The following GRM5 variants were observed in gnomAD, a reference collection of about 807,000 sequenced individuals.
The protein encoded by GRM5 is metabotropic glutamate receptor 5.
A neutral mutation model predicts 83.1 loss-of-function variants in GRM5; 19 were observed. That is an observed-to-expected ratio of 0.23 (90% CI 0.16 to 0.34). The LOEUF (loss-of-function observed/expected upper bound fraction) is 0.34, where lower values mean the gene tolerates loss of function less well. Among genes scored for constraint, GRM5 ranks in the 10% least tolerant of loss-of-function variants. The pLI is 1.00. For synonymous variants in GRM5, 675 were observed against 633.6 expected (o/e 1.07, Z -0.98); for missense variants, 1,160 against 1,588.3 (o/e 0.73, Z 4.58).
intron 3 of GRM5, among the ~76,000 whole-genome samples, chr11:88,789,269 T>C (rs950830230): frequency 2.6e-5 from 4 of 151,996 alleles, no homozygotes; most frequent in African/African-American, 9.7e-5. Context: ...TAGAGGATAA[T>C]ACCTTTAACA....
chr11:88,850,441 T>C (rs1944370693), intron 2 of GRM5, among the ~76,000 whole-genome samples: 1 of 152,162 alleles, frequency 6.6e-6, no homozygotes, highest in South Asian at 2.1e-4. Flanking sequence ...AAATAGCTCT[T>C]ATTCTAAATA....
chr11:88,519,588 A>G (rs555415059), intron 9 of GRM5, among the ~76,000 whole-genome samples: 2 of 152,288 alleles, frequency 1.3e-5, no homozygotes, highest in African/African-American at 4.8e-5. Context: ...TAAGTACTCA[A>G]TAAATGTTGG....
intron 2 of GRM5, among the ~76,000 whole-genome samples, chr11:88,949,417 A>G (rs947915427): frequency 1.3e-5 from 2 of 152,210 alleles, no homozygotes; most frequent in African/African-American, 4.8e-5. Context: ...TTCCCATTAC[A>G]TACCCATTGT....
chr11:88,831,792 C>G (rs1336749015), intron 3 of GRM5, among the ~76,000 whole-genome samples: 1 of 152,186 alleles, frequency 6.6e-6, no homozygotes, highest in East Asian at 1.9e-4. Context: ...CACTGCTACT[C>G]CCATCACCAA....
chr11:88,803,361 G>C (rs1208901920), intron 3 of GRM5, among the ~76,000 whole-genome samples: 2 of 152,044 alleles, frequency 1.3e-5, no homozygotes, highest in Non-Finnish European at 2.9e-5. Context: ...GAACAGAACA[G>C]AGCCCTCAGA....
At chr11:88,523,435 T>C (rs1024117) in intron 9 of GRM5, among the ~76,000 whole-genome samples, 75,550 of 151,908 alleles carry the variant, frequency 0.5, 19,071 homozygotes, top group East Asian at 0.67. Flanking sequence ...TGCCTAATTT[T>C]CAAGGATATG....
intron 2 of GRM5, among the ~76,000 whole-genome samples, chr11:88,975,903 C>T (rs1243483672): frequency 6.6e-6 from 1 of 152,114 alleles, no homozygotes; most frequent in Non-Finnish European, 1.5e-5. Context: ...ATAATAGTGT[C>T]CTCCCTTGGT....
At chr11:88,632,097 A>G (rs1591395800) in intron 4 of GRM5, among the ~76,000 whole-genome samples, 1 of 152,174 alleles carries the variant, frequency 6.6e-6, no homozygotes, top group East Asian at 1.9e-4. Flanking sequence ...GATACTTAAC[A>G]TATCCATCAC....
intron 2 of GRM5, among the ~76,000 whole-genome samples, chr11:88,875,703 A>T (rs1461590455): frequency 6.6e-6 from 1 of 152,084 alleles, no homozygotes; most frequent in African/African-American, 2.4e-5. Flanking sequence ...GAGCTTCAGG[A>T]TAGATGTTGT....
chr11:88,544,572 G>T (rs1942348905), intron 8 of GRM5, among the ~76,000 whole-genome samples: 1 of 152,196 alleles, frequency 6.6e-6, no homozygotes, highest in South Asian at 2.1e-4. Flanking sequence ...CCTCTAGGGG[G>T]CCTTGTTCAT....
chr11:88,614,410 T>C (rs1454145974), intron 4 of GRM5, among the ~76,000 whole-genome samples: 4 of 152,152 alleles, frequency 2.6e-5, no homozygotes, highest in African/African-American at 9.7e-5. Flanking sequence ...TAACCTTTAG[T>C]CACTATATAT....
At chr11:88,748,060 C>A (rs1398255243) in intron 3 of GRM5, among the ~76,000 whole-genome samples, 1 of 152,126 alleles carries the variant, frequency 6.6e-6, no homozygotes, top group Non-Finnish European at 1.5e-5. Flanking sequence ...GAACCCCCAT[C>A]CCCAGGCAAG....
At chr11:88,694,536 A>G (rs924125954) in intron 3 of GRM5, among the ~76,000 whole-genome samples, 1 of 141,230 alleles carries the variant, frequency 7.1e-6, no homozygotes, top group Non-Finnish European at 1.5e-5. Flanking sequence ...TTCCAGCTCC[A>G]TCCTTCTTAG....
chr11:88,608,485 A>G (rs1176221589), intron 4 of GRM5, among the ~76,000 whole-genome samples: 3 of 148,978 alleles, frequency 2.0e-5, no homozygotes, highest in Admixed American at 1.3e-4. Flanking sequence ...AACACCACTC[A>G]CTAAAATATA....
intron 4 of GRM5, among the ~76,000 whole-genome samples, chr11:88,633,159 T>A (rs1431728422): frequency 1.3e-5 from 2 of 152,302 alleles, no homozygotes; most frequent in Non-Finnish European, 2.9e-5. Context: ...GGGTCATGTA[T>A]CCTGTAAACA....
intron 1 of GRM5, among the ~76,000 whole-genome samples, chr11:89,061,028 C>T (rs1338052014): frequency 7.2e-5 from 11 of 152,088 alleles, no homozygotes; most frequent in Middle Eastern, 3.2e-3. Context: ...TGTAATAATA[C>T]ATCTTCAATA....
intron 3 of GRM5, among the ~76,000 whole-genome samples, chr11:88,742,743 G>T (rs982123160): frequency 6.6e-6 from 1 of 152,046 alleles, no homozygotes; most frequent in Non-Finnish European, 1.5e-5. Flanking sequence ...CTTACCTCAG[G>T]CTTTCTATTT....
intron 3 of GRM5, among the ~76,000 whole-genome samples, chr11:88,733,863 G>T (rs1043607824): frequency 6.6e-6 from 1 of 151,974 alleles, no homozygotes; most frequent in Admixed American, 6.6e-5. Context: ...AAATGCAGTA[G>T]TGAGAGAAAA....
chr11:88,585,971 T>C (rs1943305359), intron 7 of GRM5, among the ~76,000 whole-genome samples: 1 of 152,166 alleles, frequency 6.6e-6, no homozygotes, highest in African/African-American at 2.4e-5. Flanking sequence ...AGATTCTTTA[T>C]TTGTCTACCT....
Sources: gnomAD v4.1 joint callset for allele counts (sites outside exome capture counted in the v4.1 genomes callset) on GRCh38, gnomAD v4.1.1 for gene constraint, MANE v1.5 for transcripts, NCBI Gene and HGNC (gene_info 2026-07-23, HGNC 2026-07-21) for gene names.